The following OTOGL variants were observed in gnomAD, a reference collection of about 807,000 sequenced individuals.
OTOGL encodes the protein otogelin like, also known as otogelin-like protein.
OTOGL carries 285 observed loss-of-function variants against 318.5 expected under a neutral mutation model. The ratio of observed to expected loss-of-function variants is 0.89; its 90% CI spans 0.81 to 0.99. OTOGL has a LOEUF of 0.99. OTOGL is among the 50% of genes least tolerant of loss of function. The pLI, the probability that OTOGL is intolerant of heterozygous loss-of-function variation, is 0.00. For missense variants in OTOGL, 2,899 were observed against 2,845.6 expected, an observed-to-expected ratio of 1.02 and a Z score of -0.43; for synonymous variants, 987 against 936.5, an observed-to-expected ratio of 1.05 and a Z score of -0.99.
At chr12:80,308,170 C>T (rs1322957811) in intron 29 of OTOGL, among the ~76,000 whole-genome samples, 25 of 149,382 alleles carry the variant, frequency 1.7e-4, no homozygotes, top group African/African-American at 5.4e-4. Context: ...CCCTCCCGGA[C>T]GAGGTGGCTG....
At chr12:80,373,413 A>C (rs1891000150) in intron 57 of OTOGL, among the ~76,000 whole-genome samples, 1 of 152,052 alleles carries the variant, frequency 6.6e-6, no homozygotes, top group Non-Finnish European at 1.5e-5. Context: ...GCCTGGTGAC[A>C]GAGCTAGACT....
chr12:80,372,712 G>A (rs760929117), intron 57 of OTOGL, among the ~76,000 whole-genome samples: 1 of 150,204 alleles, frequency 6.7e-6, no homozygotes, highest in African/African-American at 2.5e-5. Flanking sequence ...TTAGTGAGAC[G>A]GAGTTTTGCT....
intron 1 of OTOGL, among the ~76,000 whole-genome samples, chr12:80,193,829 T>C (rs1875865985): frequency 6.6e-6 from 1 of 152,198 alleles, no homozygotes; most frequent in Non-Finnish European, 1.5e-5. Context: ...TTTCCAAAGA[T>C]GGTTTCAGTG....
At chr12:80,358,129 G>A (rs1890020074) in intron 49 of OTOGL, 119 bp from the exon 50 acceptor site, 2 of 702,110 alleles carry the variant, frequency 2.8e-6, no homozygotes, top group South Asian at 1.8e-5. Flanking sequence ...TATACCTCAT[G>A]TTTCTTTTAC....
In OTOGL at chr12:80,293,996, A is replaced by G. The variant is rs561070633; in HGVS notation, c.2929-2831A>G. Reference sequence around the variant, plus strand: ...ATATACTTCCTTGAAAGGTGCTGACAGTTTCTGTTTCAGAGTCATTTTGGG... The same window carrying G: ...ATATACTTCCTTGAAAGGTGCTGACGGTTTCTGTTTCAGAGTCATTTTGGG... On this transcript the variant is annotated intron_variant, in intron 26 of 58. Transcript: ENST00000547103. 2.0e-5 allele frequency among the ~76,000 whole-genome samples: 3 copies of G among 152,238 alleles called. No individual in the cohort carries two copies. The South Asian group carries it at 6.2e-4, about 32-fold the overall frequency.
At chr12:80,243,509 T>TA (rs1003887683) in intron 11 of OTOGL, among the ~76,000 whole-genome samples, 2 of 151,118 alleles carry the variant, frequency 1.3e-5, no homozygotes, top group East Asian at 1.9e-4. Context: ...CTTGAAACAT[T>TA]AAAAAAAAGG....
intron 55 of OTOGL, among the ~76,000 whole-genome samples, chr12:80,369,630 C>G (rs6539502): frequency 0.23 from 34,506 of 151,868 alleles, 6,239 homozygotes; most frequent in African/African-American, 0.5. Context: ...TCCAGCAGCA[C>G]GAAAAGTAAC....
chr12:80,195,281 A>G (rs1447086183), intron 1 of OTOGL, among the ~76,000 whole-genome samples: 2 of 152,236 alleles, frequency 1.3e-5, no homozygotes, highest in African/African-American at 4.8e-5. Flanking sequence ...AGGCAGGGAA[A>G]AGAATGGTTA....
At chr12:80,107,005 T>C (rs1231750272) in intron 1 of OTOGL, among the ~76,000 whole-genome samples, 1 of 152,156 alleles carries the variant, frequency 6.6e-6, no homozygotes, top group Non-Finnish European at 1.5e-5. Context: ...CTTCTAACCA[T>C]TTATAAATTT....
chr12:80,336,228 A>G, intron 39 of OTOGL, 88 bp downstream of exon 39: 1 of 1,386,972 alleles, frequency 7.2e-7, no homozygotes, highest in Non-Finnish European at 9.4e-7. Context: ...CACCTCATCA[A>G]GCCAAAGTTA....
At chr12:80,259,207 C>T (rs1882318566) in intron 18 of OTOGL, among the ~76,000 whole-genome samples, 2 of 150,292 alleles carry the variant, frequency 1.3e-5, no homozygotes, top group Non-Finnish European at 3.0e-5. Context: ...TATATAAATG[C>T]TGAGGTGATT....
At chr12:80,122,701 C>A (rs1053072355) in intron 1 of OTOGL, among the ~76,000 whole-genome samples, 5 of 152,088 alleles carry the variant, frequency 3.3e-5, no homozygotes, top group Non-Finnish European at 7.4e-5. Context: ...TGAGTATGCA[C>A]GAGTCTGACA....
At chr12:80,293,456 T>C (rs1167305616) in intron 26 of OTOGL, among the ~76,000 whole-genome samples, 1 of 152,170 alleles carries the variant, frequency 6.6e-6, no homozygotes, top group African/African-American at 2.4e-5. Context: ...AAGAACCTTA[T>C]GAAGGTGTCA....
chr12:80,324,855 A>C (rs1404755777), intron 35 of OTOGL, among the ~76,000 whole-genome samples: 1 of 152,226 alleles, frequency 6.6e-6, no homozygotes, highest in Non-Finnish European at 1.5e-5. Flanking sequence ...ATTTCAAATG[A>C]TTTGATCTAA....
At chr12:80,197,714 T>C (rs1214264942) in intron 1 of OTOGL, among the ~76,000 whole-genome samples, 3 of 152,160 alleles carry the variant, frequency 2.0e-5, no homozygotes, top group Non-Finnish European at 4.4e-5. Context: ...AAACAAAGTA[T>C]GGATAAGCAA....
chr12:80,293,342 A>G (rs1320220234), intron 26 of OTOGL, among the ~76,000 whole-genome samples: 1 of 152,220 alleles, frequency 6.6e-6, no homozygotes, highest in Admixed American at 6.5e-5. Flanking sequence ...TAAGAAATAC[A>G]TCCAATTTTA....
At chr12:80,275,838 C>CT (rs879862702) in intron 24 of OTOGL, among the ~76,000 whole-genome samples, 123 of 145,580 alleles carry the variant, frequency 8.4e-4, no homozygotes, top group East Asian at 3.0e-3. Context: ...TGATCATTAA[C>CT]TTTTTTTTTT....
chr12:80,147,977 A>G (rs1872517838), intron 1 of OTOGL, among the ~76,000 whole-genome samples: 1 of 152,140 alleles, frequency 6.6e-6, no homozygotes, highest in South Asian at 2.1e-4. Flanking sequence ...TTTCCTGAAT[A>G]CAGCACACTG....
intron 26 of OTOGL, among the ~76,000 whole-genome samples, chr12:80,292,221 C>T (rs1885093121): frequency 6.6e-6 from 1 of 152,176 alleles, no homozygotes; most frequent in African/African-American, 2.4e-5. Flanking sequence ...TTCCTGACCT[C>T]AGGAGATCAG....
Sources: allele counts gnomAD v4.1 joint callset (sites outside exome capture counted in the v4.1 genomes callset), GRCh38; gene constraint gnomAD v4.1.1; transcripts MANE v1.5; gene names NCBI Gene and HGNC (gene_info 2026-07-23, HGNC 2026-07-21).